The following ARL15 variants were observed in gnomAD, a reference collection of about 807,000 sequenced individuals.
ARL15 encodes the protein ADP-ribosylation factor-like protein 15.
ARL15 carries 19 observed loss-of-function variants against 25.2 expected under a neutral mutation model. That is an observed-to-expected ratio of 0.75 (90% CI 0.53 to 1.10). The LOEUF (loss-of-function observed/expected upper bound fraction) is 1.10, where lower values mean the gene tolerates loss of function less well. ARL15 is among the 50% of genes least tolerant of loss of function. The pLI, the probability that ARL15 is intolerant of heterozygous loss-of-function variation, is 0.00. For missense variants in ARL15, 220 were observed against 246.0 expected, an observed-to-expected ratio of 0.89 and a Z score of 0.71; for synonymous variants, 94 against 86.8, an observed-to-expected ratio of 1.08 and a Z score of -0.46.
intron 4 of ARL15, among the ~76,000 whole-genome samples, chr5:54,080,010 C>CACACACACACACACACACACATAT (rs775031344): frequency 6.9e-6 from 1 of 144,680 alleles, no homozygotes; most frequent in East Asian, 2.1e-4. Context: ...CACACACACA[C>CACACACACACACACACACACATAT]ACACACAGAC....
At chr5:54,222,500 G>T (rs776465795) in intron 1 of ARL15, among the ~76,000 whole-genome samples, 4 of 152,178 alleles carry the variant, frequency 2.6e-5, no homozygotes, top group Non-Finnish European at 4.4e-5. Flanking sequence ...GGAGCTTCTC[G>T]TCTAGGTTAA....
intron 4 of ARL15, among the ~76,000 whole-genome samples, chr5:54,058,780 C>T (rs559250862): frequency 3.7e-4 from 57 of 152,206 alleles, no homozygotes; most frequent in African/African-American, 1.3e-3. Flanking sequence ...ATGGGAGCCA[C>T]AGGAGAGTCT....
At chr5:54,127,654 G>A (rs1177041650) in intron 3 of ARL15, among the ~76,000 whole-genome samples, 6 of 151,446 alleles carry the variant, frequency 4.0e-5, no homozygotes, top group Admixed American at 1.3e-4. Flanking sequence ...TCTTCACAGA[G>A]TTGGAAAAAA....
intron 2 of ARL15, among the ~76,000 whole-genome samples, chr5:54,161,369 C>CA (rs958501718): frequency 7.9e-5 from 12 of 151,216 alleles, no homozygotes; most frequent in Middle Eastern, 3.4e-3. Flanking sequence ...AAATGCTTTC[C>CA]AAAAAAAAGG....
intron 1 of ARL15, among the ~76,000 whole-genome samples, chr5:54,178,986 T>C (rs942505769): frequency 4.6e-5 from 7 of 152,192 alleles, no homozygotes; most frequent in Non-Finnish European, 8.8e-5. Context: ...AAGTGACTTA[T>C]GGGTATTAAT....
chr5:54,189,094 T>G (rs1755324486), intron 1 of ARL15, among the ~76,000 whole-genome samples: 1 of 152,048 alleles, frequency 6.6e-6, no homozygotes, highest in Admixed American at 6.6e-5. Flanking sequence ...AATAAGACAC[T>G]TAAGAACTAA....
At chr5:53,954,961 T>G (rs1747096587) in intron 4 of ARL15, among the ~76,000 whole-genome samples, 1 of 151,976 alleles carries the variant, frequency 6.6e-6, no homozygotes, top group Non-Finnish European at 1.5e-5. Flanking sequence ...GCCTAAGAAA[T>G]AGTTCTTTGG....
rs1580048257 is a variant in ARL15 at position 53,885,236 on chromosome 5, T to A, written c.*1325A>T. 6.6e-6 allele frequency: 1 copy of A among 152,568 alleles called. No homozygotes were observed. The highest frequency in any genetic ancestry group is 1.9e-4 in the East Asian group (1 of 5,196). 9.5% of individuals were successfully genotyped at this position (152,568 alleles called of 1,614,324 possible). On this transcript the variant is annotated 3_prime_UTR_variant, in exon 5 of 5. Coordinates refer to ENST00000504924, the MANE Select transcript of ARL15 (RefSeq NM_019087.3). ...CAGTTTTTTTTATCATTTGGCCACT[T>A]AGTATTTTAAGTGGTCAAAGTCTAC...
At chr5:54,211,050 C>G (rs1053620193) in intron 1 of ARL15, among the ~76,000 whole-genome samples, 5 of 152,178 alleles carry the variant, frequency 3.3e-5, no homozygotes, top group Non-Finnish European at 7.3e-5. Flanking sequence ...TATATCTTTA[C>G]ACAAAACGAA....
chr5:54,074,870 AT>A (rs1486660280), intron 4 of ARL15, among the ~76,000 whole-genome samples: 1 of 151,710 alleles, frequency 6.6e-6, no homozygotes, highest in East Asian at 1.9e-4. Context: ...AAATGAGTCC[AT>A]TTGCCCATAT....
chr5:54,183,173 C>A lies in ARL15; in HGVS notation c.49-11245G>T, dbSNP rs1355498161. Among the ~76,000 whole-genome samples the A allele has an allele frequency of 2.2e-5, 2 of 91,196 alleles. 1 individual carries two copies. The highest frequency in any genetic ancestry group is 4.7e-5 in the Non-Finnish European group (2 of 42,424). 59.8% of individuals were successfully genotyped at this position (91,196 alleles called of 152,430 possible). A position where few individuals can be genotyped will look rare whatever the true frequency, so the allele number is the denominator to read the frequency against. Reference sequence around the variant, plus strand: ...TCCTGCCTTATTGCCCCAGCCAGAACTTCCAACACTATGTTGAATAGGAGC... The same window carrying A: ...TCCTGCCTTATTGCCCCAGCCAGAAATTCCAACACTATGTTGAATAGGAGC... On this transcript the variant is annotated intron_variant, in intron 1 of 4. Coordinates refer to ENST00000504924, the MANE Select transcript of ARL15 (RefSeq NM_019087.3).
chr5:54,250,833 A>G (rs1424294969), intron 1 of ARL15, among the ~76,000 whole-genome samples: 1 of 152,082 alleles, frequency 6.6e-6, no homozygotes, highest in African/African-American at 2.4e-5. Context: ...AGAGATCTAG[A>G]CTTACAAGTA....
At chr5:54,191,130 AAAGG>A (rs1231683769) in intron 1 of ARL15, among the ~76,000 whole-genome samples, 2 of 152,228 alleles carry the variant, frequency 1.3e-5, no homozygotes, top group African/African-American at 2.4e-5. Flanking sequence ...TTAGCTATAA[AAAGG>A]AAGGAAGTTG....
At chr5:54,024,044 G>A (rs1749699428) in intron 4 of ARL15, among the ~76,000 whole-genome samples, 1 of 152,144 alleles carries the variant, frequency 6.6e-6, no homozygotes, top group Non-Finnish European at 1.5e-5. Context: ...ACTATGTGGT[G>A]GATTAATCAC....
At chr5:54,106,785 A>G (rs899290762) in intron 4 of ARL15, among the ~76,000 whole-genome samples, 1 of 152,138 alleles carries the variant, frequency 6.6e-6, no homozygotes, top group Non-Finnish European at 1.5e-5. Flanking sequence ...GACATAAACA[A>G]GCCGTAATTC....
At chr5:54,225,547 C>CT (rs1756495654) in intron 1 of ARL15, among the ~76,000 whole-genome samples, 2 of 152,072 alleles carry the variant, frequency 1.3e-5, no homozygotes, top group South Asian at 4.1e-4. Flanking sequence ...AGTGACAGTT[C>CT]TTTGAGAAAT....
chr5:54,124,825 G>A lies in ARL15; in HGVS notation c.254-11415C>T, dbSNP rs1308770816. Among the ~76,000 whole-genome samples, 6 of 152,244 alleles carry A rather than the reference G, an allele frequency of 3.9e-5. No individual in the cohort carries two copies. The East Asian group carries it at 7.7e-4, about 20-fold the overall frequency. ...CCAAGCTAATTACTAAAACCCCACA[G>A]AAATGTTACATGGTGAAGGCTACCC... On this transcript the variant is annotated intron_variant, in intron 3 of 4. Coordinates refer to ENST00000504924, the MANE Select transcript of ARL15 (RefSeq NM_019087.3).
chr5:54,261,563 AAG>A (rs572502761), intron 1 of ARL15, among the ~76,000 whole-genome samples: 33 of 152,246 alleles, frequency 2.2e-4, no homozygotes, highest in Middle Eastern at 3.4e-3. Flanking sequence ...CAAAAAAAAA[AAG>A]AGAGAACTTC....
intron 1 of ARL15, chr5:54,282,351 G>C (rs1431980203): frequency 2.0e-6 from 2 of 985,274 alleles, no homozygotes; most frequent in Non-Finnish European, 2.4e-6. Flanking sequence ...ATAAGAATAA[G>C]AGAATAAGAA....
Sources: gnomAD v4.1 joint callset for allele counts (sites outside exome capture counted in the v4.1 genomes callset) on GRCh38, gnomAD v4.1.1 for gene constraint, MANE v1.5 for transcripts, NCBI Gene and HGNC (gene_info 2026-07-23, HGNC 2026-07-21) for gene names.